Variants in DHRS4 observed in about 807,000 individuals in gnomAD.
DHRS4 encodes the protein dehydrogenase/reductase 4.
DHRS4 carries 20 observed loss-of-function variants against 28.4 expected under a neutral mutation model. The observed-to-expected ratio is 0.71, with a 90% confidence interval of 0.50 to 1.02. The LOEUF (loss-of-function observed/expected upper bound fraction) is 1.02. Among genes scored for constraint, DHRS4 ranks in the 50% least tolerant of loss-of-function variants. The pLI is 0.00. For synonymous variants in DHRS4, 144 were observed against 146.4 expected (o/e 0.98, Z 0.12); for missense variants, 378 against 367.2 (o/e 1.03, Z -0.24).
In DHRS4 at chr14:23,965,756, C is replaced by T; in HGVS notation, c.409-6C>T. On this transcript the variant is annotated splice_polypyrimidine_tract_variant and splice_region_variant and intron_variant, in intron 3 of 7. Transcript: ENST00000313250. ...ATGCTGTTTCCCCTTCTTCTCTTGG[C>T]TTCAGACTCTGGACATTAATGTGAA... The T allele has an allele frequency of 6.3e-7, 1 of 1,598,514 alleles. No homozygotes were observed. The highest frequency in any genetic ancestry group is 8.5e-7 in the Non-Finnish European group (1 of 1,169,616).
chr14:23,962,491 G>C (rs2033452789), intron 3 of DHRS4, among the ~76,000 whole-genome samples: 1 of 151,540 alleles, frequency 6.6e-6, no homozygotes, highest in African/African-American at 2.4e-5. Context: ...TCCATCCCAA[G>C]AAACCACTTT....
chr14:23,964,701 T>C (rs1198366418), intron 3 of DHRS4, among the ~76,000 whole-genome samples: 1 of 136,120 alleles, frequency 7.3e-6, no homozygotes, highest in African/African-American at 2.7e-5. Flanking sequence ...CTCATCCTCC[T>C]GAGTAGCTTG....
At position 23,966,358 on chromosome 14, in the gene DHRS4, A is replaced by G. The variant is rs751863920; in HGVS notation, c.607A>G (p.Arg203Gly). The part of the protein sequence containing the change: ...TKTLAIELAP[R>G]NIRVNCLAPG... ...GACCCTGGCCATAGAGCTGGCCCCAAGGAACATTAGGGTGAACTGCCTAGC... is the reference window on the plus strand; with the variant it reads ...GACCCTGGCCATAGAGCTGGCCCCAGGGAACATTAGGGTGAACTGCCTAGC... Residue 203 changes from arginine (R) to glycine (G), a missense_variant, in exon 6 of 8, where the codon AGG (arginine) becomes GGG (glycine). Arg to Gly is a moderately radical substitution (Grantham distance 125). Transcript: ENST00000313250. The G allele has an allele frequency of 5.0e-6, 8 of 1,613,936 alleles. No homozygotes were observed. Among genetic ancestry groups the G allele is most frequent in the Non-Finnish European group, 5.1e-6 (6 of 1,180,032 alleles).
Position 23,960,993 on chromosome 14 carries a change from AG to A in DHRS4, c.408+991del, listed in dbSNP as rs1224796156. On this transcript the variant is annotated intron_variant, in intron 3 of 7. Coordinates refer to ENST00000313250, the MANE Select transcript of DHRS4 (RefSeq NM_021004.4). ...AGATACCAGTCTCTTTTAAACAACT[AG>A]TTCTGGCATGAAGTAATAGAGTGAG... is the stretch of plus-strand genomic sequence containing the variant. Among the ~76,000 whole-genome samples the A allele has an allele frequency of 1.3e-5, 2 of 151,888 alleles. 1 individual carries two copies. Among genetic ancestry groups the A allele is most frequent in the African/African-American group, 4.9e-5 (2 of 41,186 alleles).
chr14:23,955,982 G>A (rs2033125144), intron 2 of DHRS4, among the ~76,000 whole-genome samples: 1 of 152,200 alleles, frequency 6.6e-6, no homozygotes, highest in Non-Finnish European at 1.5e-5. Flanking sequence ...ACCCAAAAAT[G>A]GAAAGTACAG....
intron 3 of DHRS4, among the ~76,000 whole-genome samples, chr14:23,960,870 C>T (rs1429072667): frequency 6.6e-6 from 1 of 151,952 alleles, no homozygotes; most frequent in Non-Finnish European, 1.5e-5. Context: ...AAGCATGGTG[C>T]CAGTATCTGC....
In DHRS4 at chr14:23,969,174, G is replaced by C. The variant is rs2033765995; in HGVS notation, c.*303G>C. 2.6e-6 allele frequency: 1 copy of C among 384,190 alleles called. No homozygotes were observed. The highest frequency in any genetic ancestry group is 4.6e-6 in the Non-Finnish European group (1 of 217,660). The allele number at this position is 384,190 out of a possible 1,614,324, so 23.8% of individuals were successfully genotyped here. ...CCCGGGCCACTGGGGAATCTGAGGG[G>C]TGATGGGAGAGAAGGAACCTGGAGT... On this transcript the variant is annotated 3_prime_UTR_variant, in exon 8 of 8. Coordinates refer to ENST00000313250, the MANE Select transcript of DHRS4 (RefSeq NM_021004.4).
At chr14:23,959,334 G>C (rs1415018375) in intron 2 of DHRS4, among the ~76,000 whole-genome samples, 1 of 152,212 alleles carries the variant, frequency 6.6e-6, no homozygotes, top group African/African-American at 2.4e-5. Context: ...GAGGCAGGTG[G>C]ATGGCTTGAG....
intron 3 of DHRS4, 97 bp downstream of exon 3, chr14:23,960,100 T>C (rs891569246): frequency 8.3e-7 from 1 of 1,199,552 alleles, no homozygotes; most frequent in African/African-American, 1.5e-5. Flanking sequence ...TCAAGGGCAG[T>C]GTAAATGTGA....
chr14:23,965,895 C>A, intron 4 of DHRS4, 37 bp from the exon 5 acceptor site: 2 of 1,606,698 alleles, frequency 1.2e-6, no homozygotes, highest in Non-Finnish European at 1.7e-6. Context: ...GGCACTGGTC[C>A]ACAATGGGAA....
intron 2 of DHRS4, 119 bp downstream of exon 2, chr14:23,955,331 A>G: frequency 2.1e-6 from 3 of 1,416,364 alleles, no homozygotes; most frequent in Non-Finnish European, 2.8e-6. Flanking sequence ...TATTATGTCC[A>G]TATACTAACG....
rs1368794690 is a variant in DHRS4 at position 23,967,258 on chromosome 14, G to A, written c.714G>A (p.Arg238=). ...EKEESMKETL[R]IRRLGEPEDC... ...AGGAAAGCATGAAAGAAACCCTGCG[G>A]ATAAGAAGGTAAACTGTCATGAGGG... Residue 238 remains arginine (R), a synonymous_variant, in exon 7 of 8, where the codon CGG becomes CGA. Coordinates refer to ENST00000313250, the MANE Select transcript of DHRS4 (RefSeq NM_021004.4). The A allele has an allele frequency of 1.2e-6, 2 of 1,612,598 alleles. No homozygotes were observed. Among genetic ancestry groups the A allele is most frequent in the Non-Finnish European group, 1.7e-6 (2 of 1,179,422 alleles).
chr14:23,955,004 C>T (rs1444709494), intron 1 of DHRS4, 31 bp from the exon 2 acceptor site: 1 of 1,613,830 alleles, frequency 6.2e-7, no homozygotes. Flanking sequence ...CTGCACAGGC[C>T]TTAGCAGTCT....
At chr14:23,963,226 C>G (rs960477049) in intron 3 of DHRS4, among the ~76,000 whole-genome samples, 1 of 112,458 alleles carries the variant, frequency 8.9e-6, no homozygotes, top group Admixed American at 8.7e-5. Flanking sequence ...TAGCCCCTAA[C>G]AAGAGAATAA....
In DHRS4 at chr14:23,959,920, G is replaced by A. The variant is rs1264445152; in HGVS notation, c.325G>A (p.Gly109Ser). 6.2e-7 allele frequency: 1 copy of A among 1,613,086 alleles called. No homozygotes were observed. The highest frequency in any genetic ancestry group is 8.5e-7 in the Non-Finnish European group (1 of 1,179,964). Residue 109 changes from glycine to serine, a missense_variant, in exon 3 of 8, where the codon GGT becomes AGT. Coordinates refer to ENST00000313250, the MANE Select transcript of DHRS4 (RefSeq NM_021004.4). ...TCTCTAGGCTGTGAAGCTTCATGGA[G>A]GTATCGATATCCTAGTCTCCAATGC... ...LVATAVKLHGGIDILVSNAAV... is the reference protein window; with the variant it reads ...LVATAVKLHGSIDILVSNAAV...
chr14:23,956,939 G>A (rs377693602), intron 2 of DHRS4, among the ~76,000 whole-genome samples: 1 of 152,156 alleles, frequency 6.6e-6, no homozygotes, highest in Non-Finnish European at 1.5e-5. Flanking sequence ...GACCTTAAAA[G>A]GATATGGCCT....
chr14:23,968,987 G>T lies in DHRS4; in HGVS notation c.*116G>T. On this transcript the variant is annotated 3_prime_UTR_variant, in exon 8 of 8. Coordinates refer to ENST00000313250, the MANE Select transcript of DHRS4 (RefSeq NM_021004.4). ...CCTTACTGTTCACCTCATCAAATCAGTTCTGCCCTGTGAAAAGATCCAGCC... is the reference window on the plus strand; with the variant it reads ...CCTTACTGTTCACCTCATCAAATCATTTCTGCCCTGTGAAAAGATCCAGCC... The T allele has an allele frequency of 7.7e-7, 1 of 1,298,398 alleles. No individual in the cohort carries two copies. Among genetic ancestry groups the T allele is most frequent in the Non-Finnish European group, 1.0e-6 (1 of 962,922 alleles). 80.4% of individuals were successfully genotyped at this position (1,298,398 alleles called of 1,614,324 possible).
intron 3 of DHRS4, among the ~76,000 whole-genome samples, chr14:23,961,108 G>C (rs560208177): frequency 5.1e-4 from 78 of 151,746 alleles, no homozygotes; most frequent in African/African-American, 1.8e-3. Context: ...GCCCCACCTG[G>C]AACACTGGTG....
intron 2 of DHRS4, 151 bp from the exon 3 acceptor site, chr14:23,959,751 T>C (rs1594422369): frequency 2.4e-6 from 2 of 840,638 alleles, no homozygotes; most frequent in East Asian, 4.8e-5. Context: ...ACTCCTCAGC[T>C]CAAGTGAGCC....
Sources: allele counts gnomAD v4.1 joint callset (sites outside exome capture counted in the v4.1 genomes callset), GRCh38; gene constraint gnomAD v4.1.1; transcripts MANE v1.5; gene names NCBI Gene and HGNC (gene_info 2026-07-23, HGNC 2026-07-21).